CALCR: variants seen among roughly 807,000 people sequenced by gnomAD.
CALCR encodes calcitonin receptor.
In CALCR, 47 loss-of-function variants were observed where a neutral mutation model predicts 59.5. The observed-to-expected ratio is 0.79, with a 90% CI of 0.63 to 1.01. The LOEUF is 1.01. Among genes scored for constraint, CALCR ranks in the 50% least tolerant of loss-of-function variants. The pLI is 0.00. For synonymous variants in CALCR, 213 were observed against 211.3 expected (o/e 1.01, Z -0.07); for missense variants, 566 against 597.1 (o/e 0.95, Z 0.54).
chr7:93,561,346 G>A (rs182598489), intron 2 of CALCR, among the ~76,000 whole-genome samples: 2 of 151,814 alleles, frequency 1.3e-5, no homozygotes. Context: ...ACCATAAAAT[G>A]CTACTGCCTA....
At chr7:93,505,432 T>C (rs1801405113) in intron 2 of CALCR, among the ~76,000 whole-genome samples, 1 of 152,190 alleles carries the variant, frequency 6.6e-6, no homozygotes, top group African/African-American at 2.4e-5. Context: ...AGAGATTATC[T>C]AATATGAAAC....
Position 93,438,225 on chromosome 7 carries a change from A to C in CALCR, c.848T>G (p.Val283Gly). Residue 283 changes from valine (V) to glycine (G), a missense_variant, in exon 10 of 14, where the codon GTG becomes GGG. By Grantham distance (109) the Val-to-Gly change is moderately radical (BLOSUM62 -3). Coordinates refer to ENST00000426151, the MANE Select transcript of CALCR (RefSeq NM_001742.4). ...TAATACTTACTTGTCATTGAAGTAC[A>C]CGGCCCTGGTAATAGCATGGATAGT... Reference protein sequence around the residue: ...PTTIHAITRAVYFNDNCWLSV... With the variant: ...PTTIHAITRAGYFNDNCWLSV... 1 of 1,613,382 alleles carries C rather than the reference A, an allele frequency of 6.2e-7. No individual in the cohort carries two copies. The highest frequency in any genetic ancestry group is 8.5e-7 in the Non-Finnish European group (1 of 1,179,330).
chr7:93,531,519 C>A (rs1431539512), intron 2 of CALCR, among the ~76,000 whole-genome samples: 1 of 152,158 alleles, frequency 6.6e-6, no homozygotes, highest in African/African-American at 2.4e-5. Context: ...GAGAAATCAG[C>A]AAATTGTCAA....
intron 2 of CALCR, among the ~76,000 whole-genome samples, chr7:93,487,757 G>T (rs1441229483): frequency 6.6e-6 from 1 of 151,384 alleles, no homozygotes; most frequent in Non-Finnish European, 1.5e-5. Flanking sequence ...ATTCCAACTA[G>T]GGGTGAGTGG....
chr7:93,435,355 T>C (rs1456594472), intron 12 of CALCR, among the ~76,000 whole-genome samples: 2 of 152,112 alleles, frequency 1.3e-5, no homozygotes, highest in Non-Finnish European at 2.9e-5. Flanking sequence ...AATTTCTGTA[T>C]CTATGACCAA....
At chr7:93,498,134 A>T (rs936673586) in intron 2 of CALCR, among the ~76,000 whole-genome samples, 2 of 151,682 alleles carry the variant, frequency 1.3e-5, no homozygotes, top group Non-Finnish European at 3.0e-5. Flanking sequence ...TATAAGATTT[A>T]AAATGAAGCA....
intron 8 of CALCR, among the ~76,000 whole-genome samples, chr7:93,449,696 G>C (rs964563246): frequency 1.3e-5 from 2 of 151,990 alleles, no homozygotes; most frequent in African/African-American, 4.8e-5. Flanking sequence ...TCTATGATCT[G>C]ACAAATAAAT....
chr7:93,468,523 G>T (rs1800485189), intron 7 of CALCR, among the ~76,000 whole-genome samples, 192 bp downstream of exon 7: 1 of 151,684 alleles, frequency 6.6e-6, no homozygotes, highest in African/African-American at 2.4e-5. Flanking sequence ...AATTTATCCT[G>T]TTCTCCCCAA....
intron 2 of CALCR, among the ~76,000 whole-genome samples, chr7:93,548,872 G>C (rs1789372274): frequency 1.3e-5 from 1 of 79,016 alleles, no homozygotes; most frequent in African/African-American, 3.0e-5. Context: ...GTGTGTGTGT[G>C]TGTGTGTCTG....
At chr7:93,524,267 T>C (rs1241518421) in intron 2 of CALCR, among the ~76,000 whole-genome samples, 1 of 151,666 alleles carries the variant, frequency 6.6e-6, no homozygotes, top group Non-Finnish European at 1.5e-5. Context: ...CCTCCCTGGT[T>C]CACGCCATTC....
At chr7:93,463,182 C>A (rs1272221532) in intron 7 of CALCR, among the ~76,000 whole-genome samples, 1 of 151,774 alleles carries the variant, frequency 6.6e-6, no homozygotes, top group Admixed American at 6.6e-5. Context: ...TAACATGGAA[C>A]ATTATCCTGT....
chr7:93,513,892 T>C (rs1352020095), intron 2 of CALCR, among the ~76,000 whole-genome samples: 8 of 151,948 alleles, frequency 5.3e-5, no homozygotes, highest in Non-Finnish European at 1.2e-4. Context: ...CATTTACAAA[T>C]AAATATTTAT....
chr7:93,457,184 G>T (rs1395108236), intron 8 of CALCR, among the ~76,000 whole-genome samples: 2 of 152,178 alleles, frequency 1.3e-5, no homozygotes, highest in Non-Finnish European at 2.9e-5. Context: ...GTCAAGTACA[G>T]AGACCTAGGG....
intron 13 of CALCR, among the ~76,000 whole-genome samples, chr7:93,427,731 G>A (rs547005752): frequency 6.3e-4 from 95 of 151,968 alleles, no homozygotes; most frequent in African/African-American, 2.2e-3. Flanking sequence ...AGGCTGAATG[G>A]TTCTGTGGCA....
At chr7:93,486,595 A>C (rs1299779919) in intron 3 of CALCR, among the ~76,000 whole-genome samples, 4 of 151,510 alleles carry the variant, frequency 2.6e-5, no homozygotes, top group African/African-American at 7.3e-5. Flanking sequence ...TTCAAAACAT[A>C]GTTTTTTCAA....
chr7:93,487,651 C>T (rs1800974915), intron 2 of CALCR, among the ~76,000 whole-genome samples: 1 of 151,424 alleles, frequency 6.6e-6, no homozygotes, highest in African/African-American at 2.4e-5. Flanking sequence ...TTTCATGGCT[C>T]TGCAGATAAT....
intron 9 of CALCR, among the ~76,000 whole-genome samples, chr7:93,443,007 T>A (rs1799941562): frequency 6.6e-6 from 1 of 152,072 alleles, no homozygotes. Flanking sequence ...TGCCTTAGTT[T>A]GTACGGAAGC....
intron 7 of CALCR, among the ~76,000 whole-genome samples, chr7:93,461,623 TGA>T (rs1205811416): frequency 2.6e-5 from 4 of 152,164 alleles, no homozygotes; most frequent in African/African-American, 7.2e-5. Flanking sequence ...TTGGATCCAA[TGA>T]GAGCTATCCA....
chr7:93,429,914 GTTT>G, intron 13 of CALCR, among the ~76,000 whole-genome samples: 1 of 91,858 alleles, frequency 1.1e-5, no homozygotes, highest in African/African-American at 4.1e-5. Flanking sequence ...ACTTTAGACG[GTTT>G]TTTTTTTTGT....
Sources: allele counts gnomAD v4.1 joint callset (sites outside exome capture counted in the v4.1 genomes callset), GRCh38; gene constraint gnomAD v4.1.1; transcripts MANE v1.5; gene names NCBI Gene and HGNC (gene_info 2026-07-23, HGNC 2026-07-21).